The following ZNF98 variants were observed in gnomAD, a reference collection of about 807,000 sequenced individuals.
The protein encoded by ZNF98 is zinc finger protein 739.
ZNF98 carries 8 observed loss-of-function variants against 12.8 expected under a neutral mutation model. The observed-to-expected ratio is 0.63, with a 90% CI of 0.37 to 1.13. The LOEUF (loss-of-function observed/expected upper bound fraction) is 1.13, where lower values mean the gene tolerates loss of function less well. ZNF98 is among the 50% of genes most tolerant of loss of function. The pLI is 0.01. For missense variants in ZNF98, 379 were observed against 666.1 expected (o/e 0.57, Z 4.74); for synonymous variants, 112 against 223.5 (o/e 0.50, Z 4.45).
Position 22,392,668 on chromosome 19 carries a change from C to G in ZNF98, c.567G>C (p.Lys189Asn), listed in dbSNP as rs1158340495. 5 of 1,594,324 alleles carry G rather than the reference C, an allele frequency of 3.1e-6. No individual in the cohort carries two copies. Among genetic ancestry groups the G allele is most frequent in the Middle Eastern group, 1.7e-4 (1 of 6,012 alleles). The change falls in exon 4 of 4, where the codon AAG (lysine) becomes AAC (asparagine). Residue 189 changes from lysine to asparagine, a missense_variant. By Grantham distance (94) the Lys-to-Asn change is moderately conservative. Around this residue, in one of 8 missense-constraint regions of ZNF98, gnomAD observed 223 missense variants for 261.6 expected, o/e 0.85. Coordinates refer to ENST00000357774, the MANE Select transcript of ZNF98 (RefSeq NM_001098626.2). ...CTAAGTGTGAAAGCATGCAAAATGA[C>G]TTTTCACATTCTTTACACTTGAAAG... ...KKSFKCKECE[K>N]SFCMLSHLAQ...
At chr19:22,405,887 C>G (rs1353529194) in intron 1 of ZNF98, among the ~76,000 whole-genome samples, 6 of 152,180 alleles carry the variant, frequency 3.9e-5, no homozygotes, top group African/African-American at 1.4e-4. Context: ...AGGCCTGACT[C>G]TGACCCATCC....
intron 1 of ZNF98, among the ~76,000 whole-genome samples, chr19:22,420,042 A>G (rs1969687338): frequency 6.6e-6 from 1 of 152,142 alleles, no homozygotes; most frequent in Non-Finnish European, 1.5e-5. Flanking sequence ...GCATGCCTGT[A>G]GTCCCAGCTA....
intron 1 of ZNF98, among the ~76,000 whole-genome samples, chr19:22,405,856 C>T (rs932101166): frequency 2.0e-5 from 3 of 152,168 alleles, no homozygotes; most frequent in African/African-American, 7.2e-5. Context: ...CTGTGCCAGA[C>T]TACAGCTACA....
At chr19:22,422,003 G>C (rs1568298084) in intron 1 of ZNF98, among the ~76,000 whole-genome samples, 192 bp downstream of exon 1, 1 of 152,126 alleles carries the variant, frequency 6.6e-6, no homozygotes, top group Non-Finnish European at 1.5e-5. Context: ...GAGACAGGAC[G>C]CCCGGAGCCT....
At chr19:22,419,973 T>C (rs759263285) in intron 1 of ZNF98, among the ~76,000 whole-genome samples, 5 of 151,684 alleles carry the variant, frequency 3.3e-5, no homozygotes, top group Non-Finnish European at 7.4e-5. Flanking sequence ...CAGGCCAACA[T>C]GGTGAAACCC....
Position 22,391,719 on chromosome 19 carries a change from T to G in ZNF98, c.1516A>C (p.Thr506Pro), listed in dbSNP as rs1197872587. 30 of 1,613,958 alleles carry G rather than the reference T, an allele frequency of 1.9e-5. No homozygotes were observed. The highest frequency in any genetic ancestry group is 2.5e-5 in the Non-Finnish European group (30 of 1,179,984). Residue 506 changes from threonine to proline, a missense_variant, in exon 4 of 4, where the codon ACT (threonine) becomes CCT (proline). Transcript: ENST00000357774. ...GKAFNQSSHL[T>P]THKMIHTGEK... ...CCAGTATGAATCATCTTATGTGTAG[T>G]AAGGTGTGAGGACTGGTTAAAAGCT...
intron 2 of ZNF98, 139 bp downstream of exon 2, chr19:22,403,247 A>G (rs1346272442): frequency 1.6e-5 from 17 of 1,066,534 alleles, no homozygotes; most frequent in South Asian, 1.5e-4. Context: ...TACATAGACA[A>G]ATCTTGAAGT....
At chr19:22,421,279 G>A (rs1445875315) in intron 1 of ZNF98, among the ~76,000 whole-genome samples, 3 of 152,182 alleles carry the variant, frequency 2.0e-5, no homozygotes, top group Non-Finnish European at 4.4e-5. Context: ...GGGAGAGGAA[G>A]TTGGCATTTG....
At chr19:22,414,403 A>G (rs1599390394) in intron 1 of ZNF98, among the ~76,000 whole-genome samples, 1 of 152,170 alleles carries the variant, frequency 6.6e-6, no homozygotes, top group African/African-American at 2.4e-5. Flanking sequence ...TAAAACTTAT[A>G]TGGTACCAAG....
chr19:22,392,565 T>C lies in ZNF98; in HGVS notation c.670A>G (p.Asn224Asp), dbSNP rs1880250090. 6.2e-7 allele frequency: 1 copy of C among 1,612,538 alleles called. No individual in the cohort carries two copies. Reference sequence around the variant, plus strand: ...TGAATTCTTTTATGTGTAGAAAGGTTTGAGGCCTCATTATAGGCTTTCCCA... The same window carrying C: ...TGAATTCTTTTATGTGTAGAAAGGTCTGAGGCCTCATTATAGGCTTTCCCA... ...ECGKAYNEAS[N>D]LSTHKRIHTG... Residue 224 changes from asparagine (N) to aspartate (D), a missense_variant, in exon 4 of 4, where the codon AAC becomes GAC. Asn to Asp is a conservative substitution (Grantham distance 23, BLOSUM62 1). Around this residue, in one of 8 missense-constraint regions of ZNF98, gnomAD observed 223 missense variants for 261.6 expected, o/e 0.85. Transcript: ENST00000357774.
At position 22,406,522 on chromosome 19, in the gene ZNF98, G is replaced by GA. The variant is rs113673090; in HGVS notation, c.31-3011dup. On this transcript the variant is annotated intron_variant, in intron 1 of 3. Coordinates refer to ENST00000357774, the MANE Select transcript of ZNF98 (RefSeq NM_001098626.2). ...CTCATGAAGATGAGAAAGAATTAAT[G>GA]AAAAAAACGCTGAAGCCAGGTGTGG... Among the ~76,000 whole-genome samples the GA allele has an allele frequency of 3.3e-3, 508 of 152,132 alleles. 5 individuals are homozygous for GA. Among genetic ancestry groups the GA allele is most frequent in the African/African-American group, 0.012 (493 of 41,506 alleles).
intron 3 of ZNF98, among the ~76,000 whole-genome samples, chr19:22,398,800 A>G (rs1005191232): frequency 6.6e-6 from 1 of 152,200 alleles, no homozygotes; most frequent in African/African-American, 2.4e-5. Flanking sequence ...TCCCTCACAC[A>G]TAGGAAATAT....
At chr19:22,406,686 C>T (rs565096519) in intron 1 of ZNF98, among the ~76,000 whole-genome samples, 3 of 151,924 alleles carry the variant, frequency 2.0e-5, no homozygotes, top group Admixed American at 2.0e-4. Context: ...GCATGGTAGT[C>T]CGCACCTGTA....
chr19:22,403,067 T>G (rs970416872), intron 2 of ZNF98, among the ~76,000 whole-genome samples, 183 bp from the exon 3 acceptor site: 1 of 151,928 alleles, frequency 6.6e-6, no homozygotes, highest in Non-Finnish European at 1.5e-5. Flanking sequence ...TTTCACTACC[T>G]GATACTACTA....
chr19:22,409,267 T>C (rs1310166738), intron 1 of ZNF98, among the ~76,000 whole-genome samples: 1 of 152,180 alleles, frequency 6.6e-6, no homozygotes, highest in Non-Finnish European at 1.5e-5. Context: ...ACCTCTTCCT[T>C]ACATCTTATA....
chr19:22,399,087 T>G (rs1463299215), intron 3 of ZNF98, among the ~76,000 whole-genome samples: 1 of 152,182 alleles, frequency 6.6e-6, no homozygotes, highest in South Asian at 2.1e-4. Context: ...AATAAACTTA[T>G]GTTAAGAAAC....
intron 3 of ZNF98, among the ~76,000 whole-genome samples, chr19:22,396,069 TA>T (rs1969389716): frequency 6.6e-6 from 1 of 151,938 alleles, no homozygotes; most frequent in African/African-American, 2.4e-5. Flanking sequence ...CATAATCATA[TA>T]AAAATACATT....
chr19:22,391,425 C>G lies in ZNF98; in HGVS notation c.*91G>C, dbSNP rs993457499. On this transcript the variant is annotated 3_prime_UTR_variant, in exon 4 of 4. Transcript: ENST00000357774. Reference sequence around the variant, plus strand: ...ATTGTGTAAGTTTTGCCACACTGTTCACACTTGTAGAAGTTTTCTCCAGAA... The same window carrying G: ...ATTGTGTAAGTTTTGCCACACTGTTGACACTTGTAGAAGTTTTCTCCAGAA... 13 of 1,500,716 alleles carry G rather than the reference C, an allele frequency of 8.7e-6. No homozygotes were observed. The African/African-American group carries it at 1.8e-4, about 21-fold the overall frequency. 93.0% of individuals were successfully genotyped at this position (1,500,716 alleles called of 1,614,324 possible). A position where few individuals can be genotyped will look rare whatever the true frequency, so the allele number is the denominator to read the frequency against.
intron 3 of ZNF98, chr19:22,402,359 T>C: frequency 2.6e-6 from 1 of 389,950 alleles, no homozygotes; most frequent in Non-Finnish European, 4.5e-6. Context: ...GCAGAAAAAT[T>C]AGCAATAAAA....
Sources: gnomAD v4.1 joint callset for allele counts (sites outside exome capture counted in the v4.1 genomes callset) on GRCh38, gnomAD v4.1.1 for gene constraint, gnomAD v4.1.1 regional missense constraint, MANE v1.5 for transcripts, NCBI Gene and HGNC (gene_info 2026-07-23, HGNC 2026-07-21) for gene names.